The following DMD variants were observed in gnomAD, a reference collection of about 807,000 sequenced individuals.
DMD encodes dystrophin.
DMD carries 63 observed loss-of-function variants against 330.1 expected under a neutral mutation model. The observed-to-expected ratio is 0.19, with a 90% CI of 0.16 to 0.24. DMD has a LOEUF of 0.24. Among genes scored for constraint, DMD ranks in the 10% least tolerant of loss-of-function variants. The pLI, the probability that DMD is intolerant of heterozygous loss-of-function variation, is 1.00. For synonymous variants in DMD, 1,223 were observed against 959.8 expected, an observed-to-expected ratio of 1.27 and a Z score of -5.07; for missense variants, 3,344 against 2,684.1, an observed-to-expected ratio of 1.25 and a Z score of -5.43.
chrX:32,662,563 T>G (rs1211666118), intron 9 of DMD, among the ~76,000 whole-genome samples: 5 of 111,929 alleles, frequency 4.5e-5, no homozygotes, highest in African/African-American at 1.6e-4. Context: ...CTTTTACAAA[T>G]TTATTAACAC....
At chrX:31,320,415 CAGAGA>C (rs2056328594) in intron 62 of DMD, among the ~76,000 whole-genome samples, 1 of 112,074 alleles carries the variant, frequency 8.9e-6, no homozygotes, top group Admixed American at 9.4e-5. Flanking sequence ...AAAACATAGC[CAGAGA>C]AGACACCTGG....
At chrX:31,373,823 A>G (rs1443242996) in intron 60 of DMD, among the ~76,000 whole-genome samples, 1 of 109,111 alleles carries the variant, frequency 9.2e-6, no homozygotes, top group Non-Finnish European at 1.9e-5. Context: ...GACAAATGGG[A>G]TCTAATTAAA....
intron 1 of DMD, among the ~76,000 whole-genome samples, chrX:33,299,732 T>C: frequency 8.9e-6 from 1 of 112,270 alleles, no homozygotes; most frequent in Middle Eastern, 4.6e-3. Context: ...CTTTTTTACA[T>C]ACTGCTGATA....
At chrX:31,175,963 C>T (rs373679844) in intron 71 of DMD, among the ~76,000 whole-genome samples, 1 of 110,833 alleles carries the variant, frequency 9.0e-6, no homozygotes. Context: ...GAAAACCAAA[C>T]GGTCTGTATC....
intron 44 of DMD, among the ~76,000 whole-genome samples, chrX:32,186,823 G>A (rs190781393): frequency 5.4e-4 from 60 of 110,771 alleles, no homozygotes; most frequent in African/African-American, 2.0e-3. Flanking sequence ...AACGTTGAGT[G>A]GGGCAATTTC....
chrX:32,783,231 T>C (rs1265482760), intron 7 of DMD, among the ~76,000 whole-genome samples: 3 of 98,830 alleles, frequency 3.0e-5, no homozygotes, highest in Admixed American at 1.1e-4. Context: ...CGTGTATACG[T>C]ATATACACAT....
chrX:32,755,307 T>C (rs896739711), intron 7 of DMD, among the ~76,000 whole-genome samples: 3 of 91,444 alleles, frequency 3.3e-5, no homozygotes, highest in Non-Finnish European at 6.3e-5. Context: ...AATATTGTCT[T>C]CAGACAAGGA....
chrX:32,252,773 A>AATATATATATAAATATATATATAT, intron 43 of DMD, among the ~76,000 whole-genome samples: 1 of 35,846 alleles, frequency 2.8e-5, no homozygotes, highest in Non-Finnish European at 4.3e-5. Flanking sequence ...AATATATATA[A>AATATATATATAAATATATATATAT]ATATATATAA....
intron 2 of DMD, among the ~76,000 whole-genome samples, chrX:32,976,219 C>CAAA (rs34752504): frequency 8.3e-4 from 81 of 97,097 alleles, no homozygotes; most frequent in African/African-American, 1.7e-3. Flanking sequence ...AGACTCGTCT[C>CAAA]AAAAAAAAAA....
intron 2 of DMD, among the ~76,000 whole-genome samples, chrX:32,989,291 T>C (rs999297207): frequency 3.6e-5 from 4 of 111,843 alleles, no homozygotes; most frequent in Non-Finnish European, 3.8e-5. Context: ...ACCCTTCTCA[T>C]CTGACACCAC....
chrX:32,859,344 T>A (rs925428675), intron 2 of DMD, among the ~76,000 whole-genome samples: 1 of 108,807 alleles, frequency 9.2e-6, no homozygotes, highest in African/African-American at 3.4e-5. Flanking sequence ...GGCACACACC[T>A]GTGATCCCAA....
intron 1 of DMD, among the ~76,000 whole-genome samples, chrX:33,263,582 T>C (rs1409322710): frequency 9.1e-6 from 1 of 109,489 alleles, no homozygotes; most frequent in Non-Finnish European, 1.9e-5. Flanking sequence ...TCCATTTATA[T>C]ATTGTTCTTT....
At position 33,041,386 on chromosome X, in the gene DMD, C is replaced by G. The variant is rs112728162; in HGVS notation, c.32-21186G>C. Reference sequence around the variant, plus strand: ...TTCCGCCCCTCCTTCTCGCGGGGCTCGAGGGACCATGGCCGATCCTCGCGT... The same window carrying G: ...TTCCGCCCCTCCTTCTCGCGGGGCTGGAGGGACCATGGCCGATCCTCGCGT... On this transcript the variant is annotated intron_variant, in intron 1 of 78. Coordinates refer to ENST00000357033, the MANE Select transcript of DMD (RefSeq NM_004006.3). The G allele has an allele frequency of 5.1e-6, 6 of 1,185,853 alleles. No homozygotes were observed. The African/African-American group carries it at 1.1e-4, about 21-fold the overall frequency.
chrX:32,430,764 T>A lies in DMD; in HGVS notation c.4071+7477A>T, dbSNP rs188895300. The stretch of plus-strand genomic sequence containing the variant: ...GCATTCCACATTCTCCTTCCATTAG[T>A]TTGACTGTATTAGATTCATAATATG... On this transcript the variant is annotated intron_variant, in intron 29 of 78. Transcript: ENST00000357033. 4.1e-3 allele frequency among the ~76,000 whole-genome samples: 457 copies of A among 111,823 alleles called. 1 individual carries two copies. Among genetic ancestry groups the A allele is most frequent in the South Asian group, 0.012 (33 of 2,653 alleles).
At chrX:32,471,946 A>G (rs1432350704) in intron 22 of DMD, among the ~76,000 whole-genome samples, 1 of 112,200 alleles carries the variant, frequency 8.9e-6, no homozygotes, top group Non-Finnish European at 1.9e-5. Flanking sequence ...AGATCATACA[A>G]TTGTTTTCAA....
intron 54 of DMD, among the ~76,000 whole-genome samples, chrX:31,629,199 CTTG>C (rs911702511): frequency 1.8e-5 from 2 of 111,574 alleles, no homozygotes; most frequent in African/African-American, 3.3e-5. Context: ...ATACACATTG[CTTG>C]TTAAGATGTG....
At chrX:32,618,870 CA>C (rs1376274644) in intron 11 of DMD, among the ~76,000 whole-genome samples, 4 of 110,949 alleles carry the variant, frequency 3.6e-5, no homozygotes, top group Admixed American at 1.9e-4. Flanking sequence ...ATGGGAATGG[CA>C]ATCAGTACAG....
At chrX:32,556,692 C>A (rs1263413127) in intron 16 of DMD, among the ~76,000 whole-genome samples, 4 of 111,644 alleles carry the variant, frequency 3.6e-5, no homozygotes, top group Admixed American at 9.5e-5. Flanking sequence ...GTCTTTATAG[C>A]AGTGTAAGAA....
At chrX:32,664,867 T>C (rs1218521198) in intron 9 of DMD, among the ~76,000 whole-genome samples, 1 of 111,583 alleles carries the variant, frequency 9.0e-6, no homozygotes, top group Admixed American at 9.5e-5. Flanking sequence ...AGAAAATGAA[T>C]GTGGTCTAAG....
Sources: allele counts gnomAD v4.1 joint callset (sites outside exome capture counted in the v4.1 genomes callset), GRCh38; gene constraint gnomAD v4.1.1; transcripts MANE v1.5; gene names NCBI Gene and HGNC (gene_info 2026-07-23, HGNC 2026-07-21).